CCDC91: variants seen among roughly 807,000 people sequenced by gnomAD.
CCDC91 encodes coiled-coil domain-containing protein 91.
A neutral mutation model predicts 63.2 loss-of-function variants in CCDC91; 48 were observed. That is an observed-to-expected ratio of 0.76 (90% CI 0.60 to 0.97). The LOEUF is 0.97. CCDC91 is among the 50% of genes least tolerant of loss of function. The pLI, the probability that CCDC91 is intolerant of heterozygous loss-of-function variation, is 0.00. For missense variants in CCDC91, 500 were observed against 494.6 expected (o/e 1.01, Z -0.10); for synonymous variants, 167 against 165.8 (o/e 1.01, Z -0.06).
chr12:28,457,083 T>G (rs2140408471), intron 11 of CCDC91, among the ~76,000 whole-genome samples: 1 of 152,194 alleles, frequency 6.6e-6, no homozygotes, highest in South Asian at 2.1e-4. Flanking sequence ...GCTGTCTGTG[T>G]CACCCTGTAA....
intron 11 of CCDC91, among the ~76,000 whole-genome samples, chr12:28,457,723 C>T (rs1950116758): frequency 6.6e-6 from 1 of 151,466 alleles, no homozygotes; most frequent in African/African-American, 2.4e-5. Flanking sequence ...AAGACTAAGT[C>T]TTAGTGTTGA....
intron 6 of CCDC91, among the ~76,000 whole-genome samples, chr12:28,353,600 A>G (rs1329393789): frequency 6.6e-6 from 1 of 152,188 alleles, no homozygotes; most frequent in Non-Finnish European, 1.5e-5. Context: ...CTCAGAGAAT[A>G]GAGAGGCTCT....
intron 1 of CCDC91, among the ~76,000 whole-genome samples, chr12:28,213,853 C>T (rs941753737): frequency 1.3e-4 from 20 of 152,266 alleles, no homozygotes; most frequent in African/African-American, 4.3e-4. Context: ...GGTGGAATGG[C>T]TTTTTGAAGA....
chr12:28,400,500 C>A (rs1256897519), intron 8 of CCDC91, among the ~76,000 whole-genome samples: 2 of 152,140 alleles, frequency 1.3e-5, no homozygotes, highest in Middle Eastern at 3.2e-3. Context: ...CTCCTTGTTA[C>A]TTATGCAAAT....
At chr12:28,318,471 T>G (rs1414979834) in intron 6 of CCDC91, among the ~76,000 whole-genome samples, 2 of 151,742 alleles carry the variant, frequency 1.3e-5, no homozygotes, top group Non-Finnish European at 1.5e-5. Context: ...AGCCCAGGAG[T>G]TTGAGGTTGC....
chr12:28,232,144 C>T (rs1944640440), intron 1 of CCDC91, among the ~76,000 whole-genome samples: 1 of 151,896 alleles, frequency 6.6e-6, no homozygotes, highest in Non-Finnish European at 1.5e-5. Flanking sequence ...GAATTGTGAC[C>T]ATGGGTTTTC....
At chr12:28,473,078 T>G (rs939745299) in intron 11 of CCDC91, among the ~76,000 whole-genome samples, 8 of 152,192 alleles carry the variant, frequency 5.3e-5, no homozygotes, top group African/African-American at 1.9e-4. Flanking sequence ...TATTGTGCAT[T>G]GTAATTTTTA....
At chr12:28,259,534 A>G in intron 3 of CCDC91, 92 bp downstream of exon 3, 1 of 741,634 alleles carries the variant, frequency 1.3e-6, no homozygotes, top group Non-Finnish European at 2.3e-6. Context: ...CAACTTTTTT[A>G]CTTGTCCTTC....
At chr12:28,363,204 G>T (rs1324180322) in intron 7 of CCDC91, among the ~76,000 whole-genome samples, 23 of 151,950 alleles carry the variant, frequency 1.5e-4, no homozygotes, top group Non-Finnish European at 8.8e-5. Context: ...TCTTCTAAGA[G>T]ATTTTTCCAT....
chr12:28,387,086 T>C (rs1040738664), intron 7 of CCDC91, among the ~76,000 whole-genome samples: 3 of 152,330 alleles, frequency 2.0e-5, no homozygotes, highest in African/African-American at 2.4e-5. Context: ...TATTATGATA[T>C]ATTAAACTGG....
At chr12:28,376,127 A>T (rs2138954397) in intron 7 of CCDC91, among the ~76,000 whole-genome samples, 1 of 152,026 alleles carries the variant, frequency 6.6e-6, no homozygotes, top group South Asian at 2.1e-4. Context: ...TTTTTAAAAA[A>T]AATTCTATTA....
intron 8 of CCDC91, among the ~76,000 whole-genome samples, chr12:28,423,341 A>G (rs967578429): frequency 1.1e-4 from 16 of 152,178 alleles, no homozygotes; most frequent in African/African-American, 3.9e-4. Flanking sequence ...GGACTTTAAT[A>G]TCTAAATATT....
At chr12:28,434,998 A>G (rs1948829442) in intron 8 of CCDC91, among the ~76,000 whole-genome samples, 1 of 151,588 alleles carries the variant, frequency 6.6e-6, no homozygotes, top group Admixed American at 6.6e-5. Flanking sequence ...TACTTCCAAC[A>G]TTAGCAATTT....
At chr12:28,450,305 A>C (rs972332334) in intron 9 of CCDC91, 45 bp from the exon 10 acceptor site, 1 of 1,588,340 alleles carries the variant, frequency 6.3e-7, no homozygotes, top group Non-Finnish European at 8.6e-7. Context: ...CTGTTACCTC[A>C]AATAATACAT....
chr12:28,439,355 A>C (rs1949063735), intron 8 of CCDC91, among the ~76,000 whole-genome samples: 1 of 152,114 alleles, frequency 6.6e-6, no homozygotes, highest in Admixed American at 6.5e-5. Flanking sequence ...ATTTTATTTT[A>C]AGAAGTTTAT....
chr12:28,292,995 A>G (rs182223807), intron 3 of CCDC91, among the ~76,000 whole-genome samples: 47 of 152,336 alleles, frequency 3.1e-4, no homozygotes, highest in African/African-American at 1.1e-3. Flanking sequence ...ACAACTGTCA[A>G]TAAGGTGCTA....
chr12:28,521,786 T>G (rs1940699282), intron 12 of CCDC91, among the ~76,000 whole-genome samples: 1 of 152,080 alleles, frequency 6.6e-6, no homozygotes, highest in Non-Finnish European at 1.5e-5. Context: ...GCTTGAAGCG[T>G]TGTTGAGTTT....
At chr12:28,270,402 G>C (rs1230040505) in intron 3 of CCDC91, among the ~76,000 whole-genome samples, 2 of 152,094 alleles carry the variant, frequency 1.3e-5, no homozygotes, top group Admixed American at 1.3e-4. Context: ...TGGATAAAAG[G>C]TGATTTAGCT....
chr12:28,374,822 A>G (rs1228265364), intron 7 of CCDC91, among the ~76,000 whole-genome samples: 8 of 152,278 alleles, frequency 5.3e-5, no homozygotes, highest in Non-Finnish European at 1.2e-4. Context: ...ACTTTAAATC[A>G]TCTATTCCAG....
Sources: allele counts gnomAD v4.1 joint callset (sites outside exome capture counted in the v4.1 genomes callset), GRCh38; gene constraint gnomAD v4.1.1; transcripts MANE v1.5; gene names NCBI Gene and HGNC (gene_info 2026-07-23, HGNC 2026-07-21).